Variants in TUBD1 observed in about 807,000 individuals in gnomAD.
TUBD1 encodes tubulin delta 1, also known as tubulin delta chain.
In TUBD1, 38 loss-of-function variants were observed where a neutral mutation model predicts 51.2. The ratio of observed to expected loss-of-function variants is 0.74; its 90% confidence interval spans 0.57 to 0.97. The LOEUF is 0.97. Ranked by LOEUF, TUBD1 falls within the 50% of genes least tolerant of loss-of-function variation. TUBD1 has a pLI of 0.00. For synonymous variants in TUBD1, 169 were observed against 178.2 expected (o/e 0.95, Z 0.41); for missense variants, 489 against 538.4 (o/e 0.91, Z 0.91).
intron 6 of TUBD1, among the ~76,000 whole-genome samples, chr17:59,873,244 G>GTTT (rs780657602): frequency 0.3 from 40,192 of 134,512 alleles, 5,469 homozygotes; most frequent in Middle Eastern, 0.4. Context: ...TACTTAAGTT[G>GTTT]TTTTTTGTTG....
chr17:59,869,481 CAAA>C (rs1054734107), intron 6 of TUBD1, among the ~76,000 whole-genome samples: 1 of 119,894 alleles, frequency 8.3e-6, no homozygotes. Context: ...TCCCCCCCGC[CAAA>C]AAAAAAAAAG....
At chr17:59,889,299 C>G (rs2144582657) in intron 2 of TUBD1, among the ~76,000 whole-genome samples, 1 of 150,510 alleles carries the variant, frequency 6.6e-6, no homozygotes, top group Admixed American at 6.6e-5. Context: ...TAGGCGTGAG[C>G]CACTGCGCCC....
chr17:59,881,046 T>C lies in TUBD1; in HGVS notation c.385A>G (p.Lys129Glu). 1 of 1,614,130 alleles carries C rather than the reference T, an allele frequency of 6.2e-7. No individual in the cohort carries two copies. The highest frequency in any genetic ancestry group is 8.5e-7 in the Non-Finnish European group (1 of 1,180,016). Reference protein sequence around the residue: ...IMNIIRKEVEKCDSFSGFFII... With the variant: ...IMNIIRKEVEECDSFSGFFII... Reference sequence around the variant, plus strand: ...AAAAAACCACTGAAAGAGTCACATTTCTCCACTTCCTTCCGGATTATGTTC... The same window carrying C: ...AAAAAACCACTGAAAGAGTCACATTCCTCCACTTCCTTCCGGATTATGTTC... Residue 129 changes from lysine to glutamate, a missense_variant, in exon 4 of 9, where the codon AAA becomes GAA. By Grantham distance (56) the Lys-to-Glu change is moderately conservative. Coordinates refer to ENST00000325752, the MANE Select transcript of TUBD1 (RefSeq NM_016261.4).
chr17:59,871,063 C>G (rs897026471), intron 6 of TUBD1, among the ~76,000 whole-genome samples: 1 of 152,230 alleles, frequency 6.6e-6, no homozygotes, highest in African/African-American at 2.4e-5. Context: ...TGAGACTTCT[C>G]AACAGCAACG....
Position 59,860,370 on chromosome 17 carries a change from G to A in TUBD1, c.1314C>T (p.Asp438=). Reference sequence around the variant, plus strand: ...CAACCTGCTCTAATGACGTGAAACTGTCTAAAAAGTCCTCTTCTTCGATTC... The same window carrying A: ...CAACCTGCTCTAATGACGTGAAACTATCTAAAAAGTCCTCTTCTTCGATTC... ...KFGIEEEDFL[D]SFTSLEQVVA... The change falls in exon 9 of 9, where the codon GAC becomes GAT. Residue 438 remains aspartate, a synonymous_variant. Coordinates refer to ENST00000325752, the MANE Select transcript of TUBD1 (RefSeq NM_016261.4). 1 of 1,610,676 alleles carries A rather than the reference G, an allele frequency of 6.2e-7. No homozygotes were observed. Among genetic ancestry groups the A allele is most frequent in the Middle Eastern group, 1.7e-4 (1 of 6,052 alleles).
intron 8 of TUBD1, among the ~76,000 whole-genome samples, 167 bp from the exon 9 acceptor site, chr17:59,860,591 T>C (rs944863664): frequency 4.6e-5 from 7 of 151,894 alleles, no homozygotes; most frequent in Non-Finnish European, 1.0e-4. Flanking sequence ...TAGTGAACTT[T>C]CTTTTTTTTT....
chr17:59,892,891 T>G lies in TUBD1; in HGVS notation c.-234A>C, dbSNP rs2041194156. 2 of 404,046 alleles carry G rather than the reference T, an allele frequency of 4.9e-6. No homozygotes were observed. The highest frequency in any genetic ancestry group is 2.0e-5 in the African/African-American group (1 of 50,808). 25.0% of individuals were successfully genotyped at this position (404,046 alleles called of 1,614,324 possible). On this transcript the variant is annotated 5_prime_UTR_variant, in exon 1 of 9. Transcript: ENST00000325752. Reference sequence around the variant, plus strand: ...GCATGTTCAATTTCAATTTACGAACTTCAGATATGGTACGCATGCTCACTG... The same window carrying G: ...GCATGTTCAATTTCAATTTACGAACGTCAGATATGGTACGCATGCTCACTG...
Position 59,876,344 on chromosome 17 carries a change from GTTTGTTTTTTT to G in TUBD1, c.770-1652_770-1642del, listed in dbSNP as rs1470321001. ...TAGGTGCACACCACCATGCCTAACT[GTTTGTTTTTTT>G]TTTGTTTTTTTTTTTTTGAGATGGA... On this transcript the variant is annotated intron_variant, in intron 5 of 8. Transcript: ENST00000325752. Among the ~76,000 whole-genome samples the G allele has an allele frequency of 9.2e-4, 136 of 147,702 alleles. No homozygotes were observed. In the Middle Eastern group the frequency reaches 0.021, roughly 23 times the overall value.
intron 2 of TUBD1, chr17:59,886,767 G>T (rs1281437138): frequency 1.3e-5 from 2 of 152,452 alleles, no homozygotes; most frequent in Non-Finnish European, 1.5e-5. Flanking sequence ...GGGCAGGTGG[G>T]AGGCTGGGCG....
At chr17:59,874,238 G>A (rs2040127456) in intron 6 of TUBD1, among the ~76,000 whole-genome samples, 1 of 150,940 alleles carries the variant, frequency 6.6e-6, no homozygotes, top group African/African-American at 2.4e-5. Flanking sequence ...ACAGTGCAAT[G>A]TATGGATTTA....
intron 8 of TUBD1, among the ~76,000 whole-genome samples, chr17:59,861,737 G>A (rs943487277): frequency 3.3e-5 from 5 of 151,268 alleles, no homozygotes; most frequent in African/African-American, 1.2e-4. Flanking sequence ...GCATCATCTT[G>A]GCTCACCACA....
intron 4 of TUBD1, chr17:59,878,897 T>C (rs1446894013): frequency 6.5e-6 from 1 of 152,748 alleles, no homozygotes; most frequent in Non-Finnish European, 1.5e-5. Context: ...TTATCATACT[T>C]ATCTCCTATT....
At chr17:59,864,839 G>A (rs971458262) in intron 7 of TUBD1, among the ~76,000 whole-genome samples, 1 of 151,846 alleles carries the variant, frequency 6.6e-6, no homozygotes, top group Non-Finnish European at 1.5e-5. Flanking sequence ...GCATTACAGG[G>A]ACTAGATTGT....
chr17:59,881,681 A>AT (rs11396211), intron 3 of TUBD1, among the ~76,000 whole-genome samples: 77,048 of 150,666 alleles, frequency 0.51, 20,339 homozygotes, highest in African/African-American at 0.66. Flanking sequence ...TCTTTAAGCT[A>AT]TTTTCTTTTT....
chr17:59,869,440 A>C (rs1264928723), intron 6 of TUBD1, among the ~76,000 whole-genome samples: 1 of 151,318 alleles, frequency 6.6e-6, no homozygotes, highest in East Asian at 1.9e-4. Context: ...GCGCCACTGC[A>C]CTCCAGCCTG....
intron 6 of TUBD1, among the ~76,000 whole-genome samples, chr17:59,867,420 A>C (rs1382055176): frequency 1.3e-5 from 2 of 152,080 alleles, no homozygotes; most frequent in African/African-American, 4.8e-5. Flanking sequence ...TACTCAAGAA[A>C]TCTTAGGATG....
At chr17:59,860,510 C>T in intron 8 of TUBD1, 86 bp from the exon 9 acceptor site, 1 of 789,192 alleles carries the variant, frequency 1.3e-6, no homozygotes. Flanking sequence ...CAGACCTTTT[C>T]TAGCTGATGA....
intron 4 of TUBD1, among the ~76,000 whole-genome samples, chr17:59,880,224 A>C (rs560446241): frequency 6.6e-6 from 1 of 151,394 alleles, no homozygotes; most frequent in Admixed American, 6.6e-5. Context: ...ATGCCCAGCT[A>C]ATTTTTGTAT....
At chr17:59,876,360 T>G (rs1004341904) in intron 5 of TUBD1, among the ~76,000 whole-genome samples, 1 of 131,260 alleles carries the variant, frequency 7.6e-6, no homozygotes, top group African/African-American at 3.4e-5. Context: ...TTTTTTTTTG[T>G]TTTTTTTTTT....
Sources: gnomAD v4.1 joint callset for allele counts (sites outside exome capture counted in the v4.1 genomes callset) on GRCh38, gnomAD v4.1.1 for gene constraint, MANE v1.5 for transcripts, NCBI Gene and HGNC (gene_info 2026-07-23, HGNC 2026-07-21) for gene names.